The following SUCNR1 variants were observed in gnomAD, a reference collection of about 807,000 sequenced individuals.
SUCNR1 encodes the protein G-protein coupled receptor 91.
Under a neutral mutation model 2.4 loss-of-function variants are expected in SUCNR1, and 5 were observed. The observed-to-expected ratio is 2.07, with a 90% CI of 1.08 to 4.36. The LOEUF (loss-of-function observed/expected upper bound fraction) is 4.36, where lower values mean the gene tolerates loss of function less well. Ranked by LOEUF, SUCNR1 falls within the 30% of genes most tolerant of loss-of-function variation. The pLI, the probability that SUCNR1 is intolerant of heterozygous loss-of-function variation, is 0.00. For missense variants in SUCNR1, 373 were observed against 399.2 expected, an observed-to-expected ratio of 0.93 and a Z score of 0.56; for synonymous variants, 162 against 143.9, an observed-to-expected ratio of 1.13 and a Z score of -0.90.
chr3:151,874,158 T>A (rs867791412), intron 1 of SUCNR1, among the ~76,000 whole-genome samples: 2,593 of 130,126 alleles, frequency 0.02, 60 homozygotes, highest in African/African-American at 0.032. Flanking sequence ...TTTTTTTTTT[T>A]TTTTTTTTTT....
rs199755765 is a variant in SUCNR1, at chr3:151,881,384, C to T, written c.841C>T (p.Arg281Trp). The change falls in exon 3 of 3, where the codon CGG becomes TGG. Residue 281 changes from arginine to tryptophan, a missense_variant. Physicochemically the swap from Arg to Trp is moderately radical, Grantham distance 101. Transcript: ENST00000362032. The part of the protein sequence containing the change: ...VVINSFYIVT[R>W]PLAFLNSVIN... ...CATCAACTCCTTTTACATTGTGACA[C>T]GGCCTTTGGCCTTTCTGAACAGTGT... The T allele has an allele frequency of 2.2e-5, 35 of 1,614,194 alleles. No homozygotes were observed. The highest frequency in any genetic ancestry group is 8.9e-5 in the East Asian group (4 of 44,890).
Position 151,880,979 on chromosome 3 carries a change from A to G in SUCNR1, c.436A>G (p.Ile146Val), listed in dbSNP as rs1424651723. The G allele has an allele frequency of 6.2e-7, 1 of 1,614,128 alleles. No homozygotes were observed. Among genetic ancestry groups the G allele is most frequent in the Admixed American group, 1.7e-5 (1 of 60,014 alleles). ...GTTTGCTATTTTAATCTCCTTGGCC[A>G]TTTGGGTTTTAGTAACCTTAGAGTT... ...KEFAILISLAIWVLVTLELLP... is the reference protein window; with the variant it reads ...KEFAILISLAVWVLVTLELLP... Residue 146 changes from isoleucine to valine, a missense_variant, in exon 3 of 3, where the codon ATT (isoleucine) becomes GTT (valine). Transcript: ENST00000362032.
intron 1 of SUCNR1, among the ~76,000 whole-genome samples, chr3:151,879,434 TG>T (rs1488565353): frequency 6.6e-6 from 1 of 152,138 alleles, no homozygotes; most frequent in Non-Finnish European, 1.5e-5. Flanking sequence ...CCTTCATGAA[TG>T]GGATTGGTAC....
rs757534883 is a variant in SUCNR1, at chr3:151,880,725, A to G, written c.182A>G (p.Tyr61Cys). The part of the protein sequence containing the change: ...SLKNWNSSNI[Y>C]LFNLSVSDLA... ...AAGAACTGGAACAGCAGTAATATTT[A>G]TCTCTTTAACCTCTCTGTCTCTGAC... is the stretch of plus-strand genomic sequence containing the variant. The change falls in exon 3 of 3, where the codon TAT (tyrosine) becomes TGT (cysteine). Residue 61 changes from tyrosine (Y) to cysteine (C), a missense_variant. Transcript: ENST00000362032. The G allele has an allele frequency of 6.2e-7, 1 of 1,614,096 alleles. No homozygotes were observed. Among genetic ancestry groups the G allele is most frequent in the Non-Finnish European group, 8.5e-7 (1 of 1,179,948 alleles).
Position 151,880,708 on chromosome 3 carries a change from G to C in SUCNR1, c.165G>C (p.Trp55Cys), listed in dbSNP as rs752706436. ...VYGYIFSLKN[W>C]NSSNIYLFNL... is the part of the protein sequence containing the mutation. ...GCTACATCTTCTCTCTGAAGAACTG[G>C]AACAGCAGTAATATTTATCTCTTTA... is the stretch of plus-strand genomic sequence containing the variant. Residue 55 changes from tryptophan to cysteine, a missense_variant, in exon 3 of 3, where the codon TGG becomes TGC. Physicochemically the swap from Trp to Cys is radical, Grantham distance 215 (BLOSUM62 -2). This residue lies in a region of SUCNR1 where 184 missense variants were observed against 162.2 expected (regional missense o/e 1.13). Coordinates refer to ENST00000362032, the MANE Select transcript of SUCNR1 (RefSeq NM_033050.6). 2 of 1,614,028 alleles carry C rather than the reference G, an allele frequency of 1.2e-6. No homozygotes were observed. The highest frequency in any genetic ancestry group is 2.2e-5 in the South Asian group (2 of 91,078).
At chr3:151,876,587 T>C (rs916955852) in intron 1 of SUCNR1, among the ~76,000 whole-genome samples, 1 of 152,168 alleles carries the variant, frequency 6.6e-6, no homozygotes, top group Non-Finnish European at 1.5e-5. Context: ...AGACTTCTTA[T>C]GCTTATTAAT....
intron 2 of SUCNR1, 46 bp from the exon 3 acceptor site, chr3:151,880,513 G>C (rs2108067352): frequency 7.1e-7 from 1 of 1,403,824 alleles, no homozygotes; most frequent in Middle Eastern, 1.9e-4. Context: ...TTTGTCATTA[G>C]TCACAGTCTA....
rs1026295724 is a variant in SUCNR1 at position 151,875,994 on chromosome 3, A to G, written c.-42+2288A>G. On this transcript the variant is annotated intron_variant, in intron 1 of 2. Coordinates refer to ENST00000362032, the MANE Select transcript of SUCNR1 (RefSeq NM_033050.6). Reference sequence around the variant, plus strand: ...CAAATCTTTCTGCTGTGCACAATACATAAGCTATTAACATTACCAGTGGTG... The same window carrying G: ...CAAATCTTTCTGCTGTGCACAATACGTAAGCTATTAACATTACCAGTGGTG... 6.6e-5 allele frequency among the ~76,000 whole-genome samples: 10 copies of G among 152,204 alleles called. No homozygotes were observed. The East Asian group carries it at 1.9e-3, about 29-fold the overall frequency.
chr3:151,875,973 T>A (rs78279353), intron 1 of SUCNR1, among the ~76,000 whole-genome samples: 1,887 of 152,314 alleles, frequency 0.012, 46 homozygotes, highest in African/African-American at 0.043. Flanking sequence ...TGCAGTCAAA[T>A]CTTTCTGCTG....
chr3:151,874,321 C>T (rs1054982793), intron 1 of SUCNR1, among the ~76,000 whole-genome samples: 1 of 150,398 alleles, frequency 6.6e-6, no homozygotes, highest in Non-Finnish European at 1.5e-5. Flanking sequence ...ATTACAAGCG[C>T]CCACCACCAC....
rs779345296 is a variant in SUCNR1 at position 151,880,943 on chromosome 3, CA to C, written c.404del (p.Lys135ArgfsTer7). On this transcript the variant is annotated frameshift_variant, in exon 3 of 3. Coordinates refer to ENST00000362032, the MANE Select transcript of SUCNR1 (RefSeq NM_033050.6). LOFTEE classifies it low-confidence loss of function (END_TRUNC). The stretch of plus-strand genomic sequence containing the variant: ...GTATCCTTTCCGAGAACACCTTCTG[CA>C]AAAGAAAGAGTTTGCTATTTTAATC... ...IKYPFREHLL[Q>X]KKEFAILISL... 1.9e-6 allele frequency: 3 copies of C among 1,613,992 alleles called. No individual in the cohort carries two copies. The highest frequency in any genetic ancestry group is 2.2e-5 in the South Asian group (2 of 91,072).
At chr3:151,880,414 A>G (rs565455399) in intron 2 of SUCNR1, 145 bp from the exon 3 acceptor site, 173 of 618,850 alleles carry the variant, frequency 2.8e-4, no homozygotes, top group Non-Finnish European at 4.4e-4. Flanking sequence ...TGACATATAT[A>G]TATGTGTGTA....
chr3:151,878,059 G>A (rs1717974775), intron 1 of SUCNR1, among the ~76,000 whole-genome samples: 1 of 152,148 alleles, frequency 6.6e-6, no homozygotes, highest in Non-Finnish European at 1.5e-5. Flanking sequence ...AAAAACAACT[G>A]ATAAATAAAA....
chr3:151,878,521 G>C (rs1227165809), intron 1 of SUCNR1, among the ~76,000 whole-genome samples: 4 of 152,054 alleles, frequency 2.6e-5, no homozygotes, highest in African/African-American at 9.7e-5. Context: ...AGTTTTAAGA[G>C]ATAAAAAAAT....
In SUCNR1 at chr3:151,881,708, T is replaced by G. The variant is rs1168941590; in HGVS notation, c.*160T>G. On this transcript the variant is annotated 3_prime_UTR_variant, in exon 3 of 3. Transcript: ENST00000362032. ...AAAGAATGGGACGACAAGAATGTAC[T>G]GGTTTCTTCCTCTAAGAATTGAAAG... 4.5e-6 allele frequency: 3 copies of G among 671,550 alleles called. No homozygotes were observed. The highest frequency in any genetic ancestry group is 7.3e-6 in the Non-Finnish European group (3 of 411,884). The allele number at this position is 671,550 out of a possible 1,614,324, so 41.6% of individuals were successfully genotyped here. A position where few individuals can be genotyped will look rare whatever the true frequency, so the allele number is the denominator to read the frequency against.
chr3:151,881,410 C>A lies in SUCNR1; in HGVS notation c.867C>A (p.Val289=), dbSNP rs772022838. ...GGCCTTTGGCCTTTCTGAACAGTGT[C>A]ATCAACCCTGTCTTCTATTTTCTTT... The part of the protein sequence containing the change: ...VTRPLAFLNS[V]INPVFYFLLG... Residue 289 remains valine, a synonymous_variant, in exon 3 of 3, where the codon GTC becomes GTA. Transcript: ENST00000362032. The A allele has an allele frequency of 6.9e-5, 111 of 1,614,078 alleles. No homozygotes were observed. The highest frequency in any genetic ancestry group is 9.2e-5 in the Non-Finnish European group (108 of 1,180,026).
chr3:151,876,188 T>C (rs1717919168), intron 1 of SUCNR1, among the ~76,000 whole-genome samples: 1 of 152,000 alleles, frequency 6.6e-6, no homozygotes, highest in South Asian at 2.1e-4. Context: ...CCTGAGAAGG[T>C]CCAACATTTA....
Position 151,882,561 on chromosome 3 carries a change from C to T in SUCNR1, c.*1013C>T, listed in dbSNP as rs1051412017. The T allele has an allele frequency of 1.3e-5, 2 of 151,804 alleles. No homozygotes were observed. The highest frequency in any genetic ancestry group is 2.4e-5 in the African/African-American group (1 of 41,320). 9.4% of individuals were successfully genotyped at this position (151,804 alleles called of 1,614,324 possible). ...AAAGTCACAATTTTTCTCCATGATC[C>T]CCCATTTTTTGTAAACACTGGAATA... On this transcript the variant is annotated 3_prime_UTR_variant, in exon 3 of 3. Transcript: ENST00000362032.
At chr3:151,874,136 ATATATATATATTTT>A (rs1220853225) in intron 1 of SUCNR1, among the ~76,000 whole-genome samples, 29 of 58,662 alleles carry the variant, frequency 4.9e-4, no homozygotes, top group African/African-American at 1.3e-3. Flanking sequence ...ATATATATAT[ATATATATATATTTT>A]TTTTTTTTTT....
Sources: gnomAD v4.1 joint callset for allele counts (sites outside exome capture counted in the v4.1 genomes callset) on GRCh38, gnomAD v4.1.1 for gene constraint, gnomAD v4.1.1 regional missense constraint, MANE v1.5 for transcripts, NCBI Gene and HGNC (gene_info 2026-07-23, HGNC 2026-07-21) for gene names.